Variants in COL5A3 observed in about 807,000 individuals in gnomAD.
COL5A3 encodes collagen type V alpha 3 chain.
Under a neutral mutation model 250.0 loss-of-function variants are expected in COL5A3, and 172 were observed. The observed-to-expected ratio is 0.69, with a 90% CI of 0.61 to 0.78. The LOEUF is 0.78. Among genes scored for constraint, COL5A3 ranks in the 30% least tolerant of loss-of-function variants. The pLI is 0.00. For synonymous variants in COL5A3, 937 were observed against 900.4 expected, an observed-to-expected ratio of 1.04 and a Z score of -0.73; for missense variants, 2,340 against 2,334.4, an observed-to-expected ratio of 1.00 and a Z score of -0.05.
Position 10,006,080 on chromosome 19 carries a change from G to T in COL5A3, c.240C>A (p.Leu80=). Residue 80 remains leucine, a synonymous_variant, in exon 2 of 67, where the codon CTC becomes CTA. Transcript: ENST00000264828. ...ASTLGIPTWE[L]FPEGHFPENF... is the part of the protein sequence containing the mutation. ...CCTCCTACTCCAACTCACCTGGAAAGAGTTCCCACGTGGGGATGCCGAGCG... is the reference window on the plus strand; with the variant it reads ...CCTCCTACTCCAACTCACCTGGAAATAGTTCCCACGTGGGGATGCCGAGCG... The T allele has an allele frequency of 6.2e-7, 1 of 1,614,020 alleles. No individual in the cohort carries two copies. The highest frequency in any genetic ancestry group is 2.2e-5 in the East Asian group (1 of 44,874).
chr19:9,969,346 T>C lies in COL5A3; in HGVS notation c.4152+3A>G. ...GAACCTCAAGGATGAACAAGTCTCT[T>C]ACCAGGGGGCCAGGAGGGCCCATCT... On this transcript the variant is annotated splice_donor_region_variant and intron_variant, in intron 57 of 66. Coordinates refer to ENST00000264828, the MANE Select transcript of COL5A3 (RefSeq NM_015719.4). 1 of 1,593,894 alleles carries C rather than the reference T, an allele frequency of 6.3e-7. No homozygotes were observed. The highest frequency in any genetic ancestry group is 1.1e-5 in the South Asian group (1 of 88,072).
chr19:10,008,186 G>T (rs956587536), intron 1 of COL5A3, among the ~76,000 whole-genome samples: 3 of 151,994 alleles, frequency 2.0e-5, no homozygotes, highest in Non-Finnish European at 4.4e-5. Flanking sequence ...GATTGAGACC[G>T]ACGACCTCAC....
chr19:9,967,316 T>G, intron 62 of COL5A3, 31 bp downstream of exon 62: 1 of 1,400,378 alleles, frequency 7.1e-7, no homozygotes, highest in Non-Finnish European at 9.3e-7. Flanking sequence ...CAGGTTTTGG[T>G]GTCCATTCCC....
intron 64 of COL5A3, among the ~76,000 whole-genome samples, chr19:9,965,418 A>G (rs978421301): frequency 2.7e-5 from 4 of 149,088 alleles, no homozygotes; most frequent in African/African-American, 9.9e-5. Flanking sequence ...GGCCTCCCAA[A>G]GTGCTGGGAT....
intron 50 of COL5A3, 24 bp from the exon 51 acceptor site, chr19:9,973,050 C>A: frequency 6.3e-7 from 1 of 1,580,026 alleles, no homozygotes; most frequent in South Asian, 1.2e-5. Context: ...GGTCAGAGGT[C>A]AGAGTGGCCT....
chr19:9,986,716 T>A lies in COL5A3; in HGVS notation c.2188A>T (p.Lys730Ter). The A allele has an allele frequency of 6.2e-7, 1 of 1,613,490 alleles. No homozygotes were observed. The highest frequency in any genetic ancestry group is 8.5e-7 in the Non-Finnish European group (1 of 1,179,936). ...TGATGAGTTCCTTCTCTCCTCACCT[T>A]CTCGCCTTTCTCCCCCTGGAGGCCC... is the stretch of plus-strand genomic sequence containing the variant. The part of the protein sequence containing the change: ...NRGLQGEKGE[K>*]GEDGFPGFKG... The change falls in exon 28 of 67, where the codon AAG (lysine) becomes TAG (stop). Residue 730 changes from lysine (K) to a stop codon, truncating the protein, a stop_gained and splice_region_variant. Coordinates refer to ENST00000264828, the MANE Select transcript of COL5A3 (RefSeq NM_015719.4). LOFTEE classifies it high-confidence loss of function.
At chr19:9,966,802 G>A in intron 62 of COL5A3, 56 bp from the exon 63 acceptor site, 1 of 1,363,106 alleles carries the variant, frequency 7.3e-7, no homozygotes. Flanking sequence ...GGGAGAGAGA[G>A]GGAGAAAGAG....
chr19:9,979,262 T>C (rs753505223), intron 38 of COL5A3, 23 bp from the exon 39 acceptor site: 2 of 1,604,720 alleles, frequency 1.2e-6, no homozygotes, highest in Admixed American at 3.4e-5. Context: ...AAGGCTCCTG[T>C]TGAGTGGGGG....
At chr19:10,008,443 G>A (rs965688574) in intron 1 of COL5A3, among the ~76,000 whole-genome samples, 9 of 74,942 alleles carry the variant, frequency 1.2e-4, no homozygotes, top group Non-Finnish European at 2.1e-4. Flanking sequence ...GGGGACAAGG[G>A]GTGGGGGGGT....
At position 9,993,753 on chromosome 19, in the gene COL5A3, C is replaced by G; in HGVS notation, c.1641G>C (p.Lys547Asn). The change falls in exon 17 of 67, where the codon AAG becomes AAC. Residue 547 changes from lysine to asparagine, a missense_variant and splice_region_variant. Around this residue, in one of 3 missense-constraint regions of COL5A3, gnomAD observed 1,152 missense variants for 1,146.3 expected, o/e 1.00. Coordinates refer to ENST00000264828, the MANE Select transcript of COL5A3 (RefSeq NM_015719.4). ...TCTTATCTCAGCCCCCATCACCTAC[C>G]TTAGGTCCAGTGTCCCCTGGGAGGC... ...ARGLPGDTGP[K>N]GDRGFDGLPG... The G allele has an allele frequency of 6.2e-7, 1 of 1,614,152 alleles. No homozygotes were observed. Among genetic ancestry groups the G allele is most frequent in the Non-Finnish European group, 8.5e-7 (1 of 1,180,000 alleles).
At position 9,977,340 on chromosome 19, in the gene COL5A3, C is replaced by T. The variant is rs373150289; in HGVS notation, c.3234+25G>A. 24 of 1,611,610 alleles carry T rather than the reference C, an allele frequency of 1.5e-5. No individual in the cohort carries two copies. In the African/African-American group the frequency reaches 2.9e-4, roughly 20 times the overall value. On this transcript the variant is annotated intron_variant, in intron 43 of 66. Coordinates refer to ENST00000264828, the MANE Select transcript of COL5A3 (RefSeq NM_015719.4). ...CCATTCACCCCCATCCTCCCCTGGACCCTTCCTCTCTGTGAACCCCTCACC... is the reference window on the plus strand; with the variant it reads ...CCATTCACCCCCATCCTCCCCTGGATCCTTCCTCTCTGTGAACCCCTCACC...
intron 45 of COL5A3, among the ~76,000 whole-genome samples, chr19:9,974,718 G>A (rs1346709430): frequency 6.6e-6 from 1 of 151,884 alleles, no homozygotes; most frequent in Non-Finnish European, 1.5e-5. Context: ...CATATTCAAA[G>A]TTTGAGTTCA....
chr19:9,960,618 C>A, intron 66 of COL5A3, 33 bp downstream of exon 66: 1 of 1,613,642 alleles, frequency 6.2e-7, no homozygotes, highest in Non-Finnish European at 8.5e-7. Flanking sequence ...TCTTGCCTCC[C>A]CTCTCTAGCT....
chr19:9,993,678 C>T lies in COL5A3; in HGVS notation c.1642-6G>A. 1 of 1,614,098 alleles carries T rather than the reference C, an allele frequency of 6.2e-7. No individual in the cohort carries two copies. The highest frequency in any genetic ancestry group is 8.5e-7 in the Non-Finnish European group (1 of 1,180,016). On this transcript the variant is annotated splice_polypyrimidine_tract_variant and splice_region_variant and intron_variant, in intron 17 of 66. Coordinates refer to ENST00000264828, the MANE Select transcript of COL5A3 (RefSeq NM_015719.4). The stretch of plus-strand genomic sequence containing the variant: ...CCATCGAAGCCACGATCACCCTGTC[C>T]AGAGACACCAGTGAGCCTTGACCCC...
At chr19:9,963,031 C>T in intron 64 of COL5A3, 144 bp from the exon 65 acceptor site, 1 of 636,586 alleles carries the variant, frequency 1.6e-6, no homozygotes. Context: ...TCTGCCAGTG[C>T]ACAATGGGGG....
In COL5A3 at chr19:10,001,463, A is replaced by T. The variant is rs543353683; in HGVS notation, c.1110+61T>A. On this transcript the variant is annotated intron_variant, in intron 8 of 66. Coordinates refer to ENST00000264828, the MANE Select transcript of COL5A3 (RefSeq NM_015719.4). ...CGCCCTGCCTAAATAAATAAATTTT[A>T]AAAAAATTTTAATAGGAATCCCACT... is the stretch of plus-strand genomic sequence containing the variant. The T allele has an allele frequency of 4.3e-4, 655 of 1,538,862 alleles. 1 individual carries two copies. The highest frequency in any genetic ancestry group is 2.4e-3 in the East Asian group (107 of 43,886).
At chr19:9,974,457 G>C (rs781405045) in intron 45 of COL5A3, 49 bp from the exon 46 acceptor site, 1 of 1,415,176 alleles carries the variant, frequency 7.1e-7, no homozygotes, top group African/African-American at 1.4e-5. Flanking sequence ...TCAGTGATTA[G>C]GGCAGAGTGA....
rs377645313 is a variant in COL5A3, at chr19:9,971,105, A to G, written c.3829-77T>C. The stretch of plus-strand genomic sequence containing the variant: ...TTGGGATGGGGCTGGGAGGCAAAAG[A>G]ACGTTTTTGGTTCCACTGTCAGTGC... On this transcript the variant is annotated intron_variant, in intron 52 of 66. Transcript: ENST00000264828. The G allele has an allele frequency of 9.8e-6, 14 of 1,426,520 alleles. No individual in the cohort carries two copies. In the African/African-American group the frequency reaches 1.9e-4, roughly 20 times the overall value. 88.4% of individuals were successfully genotyped at this position (1,426,520 alleles called of 1,614,324 possible).
chr19:9,968,791 G>A lies in COL5A3; in HGVS notation c.4153-63C>T. On this transcript the variant is annotated intron_variant, in intron 57 of 66. Transcript: ENST00000264828. This position sits in a 1 kb window ranked among gnomAD's most constrained non-coding sequence, Gnocchi z 4.1. ...TGTGAACTCGAGGTCTGTGTGGGTG[G>A]TTAGGGGATGGTCAAATGGGAAATT... 1 of 1,403,652 alleles carries A rather than the reference G, an allele frequency of 7.1e-7. No homozygotes were observed. Among genetic ancestry groups the A allele is most frequent in the Non-Finnish European group, 9.9e-7 (1 of 1,009,582 alleles). The allele number at this position is 1,403,652 out of a possible 1,614,324, so 86.9% of individuals were successfully genotyped here.
Sources: gnomAD v4.1 joint callset for allele counts (sites outside exome capture counted in the v4.1 genomes callset) on GRCh38, gnomAD v4.1.1 for gene constraint, gnomAD v4.1.1 regional missense constraint, Gnocchi (gnomAD v3.1) non-coding constraint, MANE v1.5 for transcripts, NCBI Gene and HGNC (gene_info 2026-07-23, HGNC 2026-07-21) for gene names.